CADM2: variants seen among roughly 807,000 people sequenced by gnomAD.
CADM2 encodes cell adhesion molecule 2.
In CADM2, 12 loss-of-function variants were observed where a neutral mutation model predicts 49.8. The ratio of observed to expected loss-of-function variants is 0.24; its 90% CI spans 0.15 to 0.39. The LOEUF is 0.39. Among genes scored for constraint, CADM2 ranks in the 10% least tolerant of loss-of-function variants. The pLI is 1.00. For missense variants in CADM2, 378 were observed against 492.3 expected (o/e 0.77, Z 2.20); for synonymous variants, 214 against 175.4 (o/e 1.22, Z -1.74).
intron 8 of CADM2, chr3:86,012,431 C>T: frequency 2.4e-6 from 1 of 424,754 alleles, no homozygotes; most frequent in Non-Finnish European, 4.1e-6. Context: ...TCTCGCCCGC[C>T]CGCCCCTCGC....
chr3:85,025,303 G>T (rs758865139), intron 1 of CADM2, among the ~76,000 whole-genome samples: 12 of 152,126 alleles, frequency 7.9e-5, no homozygotes, highest in Middle Eastern at 3.2e-3. Context: ...GTGGGTCCCT[G>T]TTAAAGCAGT....
chr3:85,231,626 T>A (rs1228752593), intron 1 of CADM2, among the ~76,000 whole-genome samples: 1 of 151,336 alleles, frequency 6.6e-6, no homozygotes, highest in African/African-American at 2.4e-5. Context: ...GAGATATAGA[T>A]GGATAGTTTT....
At chr3:85,107,291 A>G (rs2038266844) in intron 1 of CADM2, among the ~76,000 whole-genome samples, 1 of 152,228 alleles carries the variant, frequency 6.6e-6, no homozygotes. Flanking sequence ...AGTTTTGGTA[A>G]TAAAAAGAAG....
Position 85,431,860 on chromosome 3 carries a change from C to CATAT in CADM2, c.62-294653_62-294650dup, listed in dbSNP as rs1553722697. On this transcript the variant is annotated intron_variant, in intron 1 of 9. Transcript: ENST00000383699. Reference sequence around the variant, plus strand: ...AACACCATGGTCTTATGCTTAATTGCATATATATATATGCCATGCTCTTTC... The same window carrying CATAT: ...AACACCATGGTCTTATGCTTAATTGCATATATATATATATATGCCATGCTCTTTC... Among the ~76,000 whole-genome samples, 113 of 51,856 alleles carry CATAT rather than the reference C, an allele frequency of 2.2e-3. 34 individuals are homozygous for CATAT. Among genetic ancestry groups the CATAT allele is most frequent in the African/African-American group, 5.1e-3 (93 of 18,334 alleles). The allele number at this position is 51,856 out of a possible 152,430, so 34.0% of individuals were successfully genotyped here.
chr3:85,791,236 C>T (rs527848869), intron 2 of CADM2, among the ~76,000 whole-genome samples: 13 of 152,188 alleles, frequency 8.5e-5, no homozygotes, highest in Admixed American at 1.3e-4. Context: ...AATTATAAGC[C>T]GGCCTTAATG....
chr3:85,589,783 T>C (rs925238508), intron 1 of CADM2, among the ~76,000 whole-genome samples: 24 of 152,022 alleles, frequency 1.6e-4, no homozygotes, highest in Non-Finnish European at 2.9e-4. Context: ...TAAAATTTGG[T>C]GGACCTTAGT....
rs35485915 is a variant in CADM2 at position 85,427,160 on chromosome 3, CTATATATATATATATATATATATATA to C, written c.62-299346_62-299321del. On this transcript the variant is annotated intron_variant, in intron 1 of 9. Coordinates refer to ENST00000383699, the MANE Select transcript of CADM2 (RefSeq NM_001167675.2). ...AACATTACTCACTGATGTATTGGAACTATATATATATATATATATATATATATATATATATATATATGTATAATAAG... is the reference window on the plus strand; with the variant it reads ...AACATTACTCACTGATGTATTGGAACTATATATATATATATGTATAATAAG... Among the ~76,000 whole-genome samples the C allele has an allele frequency of 1.4e-3, 156 of 113,700 alleles. 2 individuals are homozygous for C. Among genetic ancestry groups the C allele is most frequent in the African/African-American group, 6.7e-3 (137 of 20,468 alleles). 74.6% of individuals were successfully genotyped at this position (113,700 alleles called of 152,430 possible).
chr3:85,862,487 T>C (rs1382505167), intron 3 of CADM2, among the ~76,000 whole-genome samples: 1 of 152,148 alleles, frequency 6.6e-6, no homozygotes, highest in African/African-American at 2.4e-5. Flanking sequence ...GCCAACGTAG[T>C]CTACATTGTG....
intron 3 of CADM2, 109 bp downstream of exon 3, chr3:85,802,305 C>A: frequency 1.1e-6 from 1 of 929,846 alleles, no homozygotes; most frequent in Non-Finnish European, 1.5e-6. Context: ...TACCAAACTG[C>A]TGCTGCTTGT....
At chr3:85,337,749 G>C (rs998467675) in intron 1 of CADM2, among the ~76,000 whole-genome samples, 10 of 151,348 alleles carry the variant, frequency 6.6e-5, no homozygotes, top group African/African-American at 2.4e-4. Flanking sequence ...TGGATTTTGG[G>C]TATGCAGACC....
chr3:85,357,967 T>A (rs2032014468), intron 1 of CADM2, among the ~76,000 whole-genome samples: 1 of 152,102 alleles, frequency 6.6e-6, no homozygotes. Context: ...GACATATTGC[T>A]CTGATTTCAC....
At chr3:86,027,730 AT>A (rs57002671) in intron 8 of CADM2, among the ~76,000 whole-genome samples, 167 of 152,152 alleles carry the variant, frequency 1.1e-3, no homozygotes, top group African/African-American at 4.0e-3. Context: ...TGTAATAATA[AT>A]TTTTACTATA....
chr3:85,245,475 G>A (rs2042625742), intron 1 of CADM2, among the ~76,000 whole-genome samples: 1 of 151,226 alleles, frequency 6.6e-6, no homozygotes, highest in African/African-American at 2.4e-5. Flanking sequence ...TTGCACCACT[G>A]CACTCCAGCC....
chr3:85,379,244 A>T (rs1253200643), intron 1 of CADM2, among the ~76,000 whole-genome samples: 1 of 151,998 alleles, frequency 6.6e-6, no homozygotes, highest in African/African-American at 2.4e-5. Context: ...ACAGCTAAAA[A>T]TTATACTGAA....
At chr3:85,307,399 T>G (rs138767976) in intron 1 of CADM2, among the ~76,000 whole-genome samples, 19 of 151,866 alleles carry the variant, frequency 1.3e-4, no homozygotes, top group Middle Eastern at 3.4e-3. Flanking sequence ...CTACTGAAAT[T>G]ATTTGTTTCT....
At chr3:85,970,737 C>T (rs900090143) in intron 8 of CADM2, among the ~76,000 whole-genome samples, 4 of 151,536 alleles carry the variant, frequency 2.6e-5, no homozygotes, top group African/African-American at 9.7e-5. Flanking sequence ...TCTCTTCACC[C>T]TCCAAAATGC....
intron 1 of CADM2, among the ~76,000 whole-genome samples, chr3:85,409,448 G>A (rs73845492): frequency 0.012 from 1,753 of 152,228 alleles, 36 homozygotes; most frequent in African/African-American, 0.04. Flanking sequence ...ATACTAAGAA[G>A]TTTGCCAGTT....
intron 3 of CADM2, among the ~76,000 whole-genome samples, chr3:85,830,862 A>T (rs200710051): frequency 1.0e-5 from 1 of 96,914 alleles, no homozygotes; most frequent in Admixed American, 1.3e-4. Flanking sequence ...TTACAGGCCC[A>T]GGGGGTACAT....
chr3:85,109,205 G>C (rs906044223), intron 1 of CADM2, among the ~76,000 whole-genome samples: 1 of 151,980 alleles, frequency 6.6e-6, no homozygotes, highest in Admixed American at 6.6e-5. Flanking sequence ...AGCATCAACT[G>C]TCATAGCTAT....
Sources: allele counts gnomAD v4.1 joint callset (sites outside exome capture counted in the v4.1 genomes callset), GRCh38; gene constraint gnomAD v4.1.1; transcripts MANE v1.5; gene names NCBI Gene and HGNC (gene_info 2026-07-23, HGNC 2026-07-21).